The following DPYD variants were observed in gnomAD, a reference collection of about 807,000 sequenced individuals.
DPYD encodes the protein dihydropyrimidine dehydrogenase [NADP(+)].
DPYD carries 109 observed loss-of-function variants against 116.2 expected under a neutral mutation model. The ratio of observed to expected loss-of-function variants is 0.94; its 90% confidence interval spans 0.80 to 1.10. DPYD has a LOEUF of 1.10. Ranked by LOEUF, DPYD falls within the 50% of genes least tolerant of loss-of-function variation. The pLI is 0.00. For missense variants in DPYD, 1,302 were observed against 1,254.5 expected (o/e 1.04, Z -0.57); for synonymous variants, 440 against 432.0 (o/e 1.02, Z -0.23).
At chr1:97,253,137 G>A (rs1462367918) in intron 18 of DPYD, among the ~76,000 whole-genome samples, 1 of 152,046 alleles carries the variant, frequency 6.6e-6, no homozygotes, top group Non-Finnish European at 1.5e-5. Context: ...ATACTAACAA[G>A]TTTAATTATT....
chr1:97,459,771 G>A (rs1168238475), intron 13 of DPYD, among the ~76,000 whole-genome samples: 1 of 151,934 alleles, frequency 6.6e-6, no homozygotes, highest in African/African-American at 2.4e-5. Context: ...TCTGCAACTA[G>A]GATTGATGTG....
intron 16 of DPYD, among the ~76,000 whole-genome samples, chr1:97,328,054 ATTTCAG>A (rs146588856): frequency 0.019 from 2,858 of 152,246 alleles, 97 homozygotes; most frequent in African/African-American, 0.065. Context: ...ATAAGTGGGT[ATTTCAG>A]TTGATGCACG....
chr1:97,464,705 A>G (rs1369593485), intron 13 of DPYD, among the ~76,000 whole-genome samples: 4 of 152,166 alleles, frequency 2.6e-5, no homozygotes, highest in Non-Finnish European at 4.4e-5. Context: ...GGTTTGGGAA[A>G]CTTTGCCTAG....
chr1:97,388,439 T>C (rs55748568), intron 14 of DPYD, among the ~76,000 whole-genome samples: 29,185 of 151,642 alleles, frequency 0.19, 2,979 homozygotes, highest in South Asian at 0.38. Context: ...GAAAATAATA[T>C]AGAGAAAAAG....
rs12044838 is a variant in DPYD, at chr1:97,131,216, G to A, written c.2623-32584C>T. 2.9e-3 allele frequency among the ~76,000 whole-genome samples: 438 copies of A among 151,974 alleles called. 10 individuals are homozygous for A. The highest frequency in any genetic ancestry group is 0.018 in the Admixed American group (272 of 15,252). On this transcript the variant is annotated intron_variant, in intron 20 of 22. Transcript: ENST00000370192. ...TTTGAAATAACCTAAATTGGCTTTT[G>A]GTCAAAGTTGAGCACAACAATATGG...
chr1:97,082,468 A>T lies in DPYD; in HGVS notation c.2769T>A (p.Asp923Glu). The T allele has an allele frequency of 6.2e-7, 1 of 1,613,304 alleles. No homozygotes were observed. Among genetic ancestry groups the T allele is most frequent in the Non-Finnish European group, 8.5e-7 (1 of 1,179,484 alleles). Residue 923 changes from aspartate to glutamate, a missense_variant and splice_region_variant, in exon 22 of 23, where the codon GAT becomes GAA. By Grantham distance (45) the Asp-to-Glu change is conservative (BLOSUM62 2). Transcript: ENST00000370192. Reference protein sequence around the residue: ...IPKRPIPTIKDVIGKALQYLG... With the variant: ...IPKRPIPTIKEVIGKALQYLG... Reference sequence around the variant, plus strand: ...GGTACTGCAGTGCTTTTCCTATTACATCCTAAAAATAGCCACTGAATTACT... The same window carrying T: ...GGTACTGCAGTGCTTTTCCTATTACTTCCTAAAAATAGCCACTGAATTACT...
At chr1:97,689,152 T>C (rs1233594599) in intron 7 of DPYD, among the ~76,000 whole-genome samples, 1 of 151,550 alleles carries the variant, frequency 6.6e-6, no homozygotes, top group African/African-American at 2.4e-5. Context: ...TTATCTTTAT[T>C]CTCTTGTAAC....
At chr1:97,814,978 AAGAG>A (rs1390556347) in intron 3 of DPYD, among the ~76,000 whole-genome samples, 1 of 133,740 alleles carries the variant, frequency 7.5e-6, no homozygotes, top group Non-Finnish European at 1.6e-5. Context: ...AAGAAAGACA[AAGAG>A]AGAAAGGAAA....
At chr1:97,181,169 C>T (rs770254546) in intron 20 of DPYD, among the ~76,000 whole-genome samples, 1 of 152,142 alleles carries the variant, frequency 6.6e-6, no homozygotes, top group Non-Finnish European at 1.5e-5. Flanking sequence ...TTCCTCTATA[C>T]AGGGCTCCCA....
At chr1:97,578,534 A>G (rs1372613980) in intron 10 of DPYD, among the ~76,000 whole-genome samples, 1 of 152,218 alleles carries the variant, frequency 6.6e-6, no homozygotes, top group Non-Finnish European at 1.5e-5. Flanking sequence ...AGAGAAGCCA[A>G]AAATACACTA....
intron 8 of DPYD, among the ~76,000 whole-genome samples, chr1:97,664,457 A>C (rs1203653454): frequency 1.3e-5 from 2 of 151,978 alleles, no homozygotes; most frequent in Non-Finnish European, 2.9e-5. Flanking sequence ...TACTATTTCA[A>C]ATAGTATTTT....
At chr1:97,591,656 T>C (rs1433670193) in intron 10 of DPYD, among the ~76,000 whole-genome samples, 1 of 152,166 alleles carries the variant, frequency 6.6e-6, no homozygotes. Flanking sequence ...TGCCAATCAG[T>C]GTCATCTTCC....
intron 8 of DPYD, among the ~76,000 whole-genome samples, chr1:97,654,387 C>G (rs1165770250): frequency 6.6e-6 from 1 of 151,914 alleles, no homozygotes; most frequent in African/African-American, 2.4e-5. Flanking sequence ...TGACATCAGC[C>G]AATATATAAA....
chr1:97,324,675 T>C (rs1668621630), intron 16 of DPYD, among the ~76,000 whole-genome samples: 1 of 152,072 alleles, frequency 6.6e-6, no homozygotes, highest in Non-Finnish European at 1.5e-5. Context: ...AAATGGCCTT[T>C]AGAATTACAA....
chr1:97,084,953 A>G (rs1186971255), intron 21 of DPYD, among the ~76,000 whole-genome samples: 1 of 152,164 alleles, frequency 6.6e-6, no homozygotes, highest in African/African-American at 2.4e-5. Context: ...TATACACTAA[A>G]CCTATAATAT....
At chr1:97,395,392 T>G (rs1270863177) in intron 14 of DPYD, among the ~76,000 whole-genome samples, 1 of 151,904 alleles carries the variant, frequency 6.6e-6, no homozygotes, top group African/African-American at 2.4e-5. Context: ...ACAACAATCT[T>G]GAATTTGGAG....
At chr1:97,472,993 T>A (rs1229195015) in intron 13 of DPYD, among the ~76,000 whole-genome samples, 1 of 152,140 alleles carries the variant, frequency 6.6e-6, no homozygotes, top group African/African-American at 2.4e-5. Context: ...ATATTTATGA[T>A]CTACTCCTTT....
At chr1:97,550,238 A>G (rs1018045372) in intron 11 of DPYD, among the ~76,000 whole-genome samples, 2 of 152,064 alleles carry the variant, frequency 1.3e-5, no homozygotes, top group Non-Finnish European at 2.9e-5. Context: ...CAACATATAT[A>G]ACATTTTCAT....
chr1:97,347,001 T>C (rs1425575576), intron 16 of DPYD, among the ~76,000 whole-genome samples: 1 of 151,580 alleles, frequency 6.6e-6, no homozygotes, highest in African/African-American at 2.4e-5. Flanking sequence ...TATAAATATA[T>C]AAATCAGTGG....
Sources: gnomAD v4.1 joint callset for allele counts (sites outside exome capture counted in the v4.1 genomes callset) on GRCh38, gnomAD v4.1.1 for gene constraint, MANE v1.5 for transcripts, NCBI Gene and HGNC (gene_info 2026-07-23, HGNC 2026-07-21) for gene names.